The following UPB1 variants were observed in gnomAD, a reference collection of about 807,000 sequenced individuals.
UPB1 encodes beta-ureidopropionase 1, also known as beta-ureidopropionase.
UPB1 carries 40 observed loss-of-function variants against 49.1 expected under a neutral mutation model. The observed-to-expected ratio is 0.81, with a 90% confidence interval of 0.63 to 1.06. The LOEUF (loss-of-function observed/expected upper bound fraction) is 1.06. Ranked by LOEUF, UPB1 falls within the 50% of genes least tolerant of loss-of-function variation. The pLI is 0.00. For missense variants in UPB1, 499 were observed against 505.9 expected, an observed-to-expected ratio of 0.99 and a Z score of 0.13; for synonymous variants, 207 against 198.2, an observed-to-expected ratio of 1.04 and a Z score of -0.38.
chr22:24,518,824 C>T (rs966422695), intron 6 of UPB1, among the ~76,000 whole-genome samples: 1 of 152,178 alleles, frequency 6.6e-6, no homozygotes, highest in Non-Finnish European at 1.5e-5. Flanking sequence ...CCATCCTATC[C>T]TCTTGCTGCA....
intron 1 of UPB1, among the ~76,000 whole-genome samples, chr22:24,497,081 G>C (rs1293752044): frequency 6.6e-6 from 1 of 152,146 alleles, no homozygotes; most frequent in Non-Finnish European, 1.5e-5. Flanking sequence ...TTCAACGGGA[G>C]AGACTCTTTA....
At position 24,515,263 on chromosome 22, in the gene UPB1, C is replaced by G; in HGVS notation, c.684C>G (p.Ile228Met). The change falls in exon 6 of 10, where the codon ATC becomes ATG. Residue 228 changes from isoleucine (I) to methionine (M), a missense_variant. By Grantham distance (10) the Ile-to-Met change is conservative (BLOSUM62 1). Coordinates refer to ENST00000326010, the MANE Select transcript of UPB1 (RefSeq NM_016327.3). ...HPVFQTQFGR[I>M]AVNICYGRHH... ...TGTTCCAGACGCAGTTCGGAAGGAT[C>G]GCGGTGAACATTTGCTACGGGCGGC... 6.2e-7 allele frequency: 1 copy of G among 1,614,158 alleles called. No homozygotes were observed. Among genetic ancestry groups the G allele is most frequent in the Non-Finnish European group, 8.5e-7 (1 of 1,180,030 alleles).
chr22:24,522,063 G>A (rs2044404615), intron 8 of UPB1, 35 bp downstream of exon 8: 1 of 1,611,338 alleles, frequency 6.2e-7, no homozygotes, highest in Admixed American at 1.7e-5. Flanking sequence ...TGCAGTTGAG[G>A]AGTGGGCCTT....
chr22:24,498,171 C>G (rs2043925618), intron 1 of UPB1, among the ~76,000 whole-genome samples: 1 of 152,204 alleles, frequency 6.6e-6, no homozygotes, highest in Non-Finnish European at 1.5e-5. Context: ...CAAGCATGCC[C>G]TCTTGGTCTT....
At chr22:24,525,298 C>T (rs1353159722) in intron 9 of UPB1, among the ~76,000 whole-genome samples, 1 of 152,168 alleles carries the variant, frequency 6.6e-6, no homozygotes, top group East Asian at 1.9e-4. Flanking sequence ...TGAGATGCCA[C>T]ATGGAGTAGA....
chr22:24,517,393 G>A (rs1205938635), intron 6 of UPB1, among the ~76,000 whole-genome samples: 2 of 152,196 alleles, frequency 1.3e-5, no homozygotes, highest in Non-Finnish European at 2.9e-5. Flanking sequence ...AGAACTTTGG[G>A]GCCACCCCCT....
At chr22:24,521,407 C>T (rs1403948866) in intron 7 of UPB1, among the ~76,000 whole-genome samples, 4 of 151,796 alleles carry the variant, frequency 2.6e-5, no homozygotes, top group Non-Finnish European at 4.4e-5. Context: ...TGCTTGAACC[C>T]GGGAGGTGGA....
intron 3 of UPB1, among the ~76,000 whole-genome samples, chr22:24,509,035 CA>C (rs1205383661): frequency 1.3e-5 from 2 of 151,866 alleles, no homozygotes; most frequent in East Asian, 1.9e-4. Flanking sequence ...AGGGTATGAA[CA>C]AAAAAATGTA....
At chr22:24,496,975 G>GA (rs2043902144) in intron 1 of UPB1, among the ~76,000 whole-genome samples, 1 of 152,308 alleles carries the variant, frequency 6.6e-6, no homozygotes, top group African/African-American at 2.4e-5. Context: ...GCAGCAGGGA[G>GA]AGACAGCAAG....
intron 8 of UPB1, among the ~76,000 whole-genome samples, chr22:24,522,767 A>G (rs1056868686): frequency 6.8e-6 from 1 of 146,546 alleles, no homozygotes; most frequent in Non-Finnish European, 1.5e-5. Context: ...CCCAGTCTCT[A>G]CTAAAAAAAA....
At chr22:24,498,828 C>T (rs2067734026) in intron 1 of UPB1, among the ~76,000 whole-genome samples, 1 of 152,214 alleles carries the variant, frequency 6.6e-6, no homozygotes, top group African/African-American at 2.4e-5. Flanking sequence ...CTGTCTGGCT[C>T]CCAGGCCCAC....
intron 3 of UPB1, 143 bp from the exon 4 acceptor site, chr22:24,510,606 C>T: frequency 2.3e-6 from 2 of 856,078 alleles, no homozygotes; most frequent in Non-Finnish European, 3.9e-6. Context: ...GGGCTGCCCA[C>T]AGCCAGGAAC....
chr22:24,513,018 C>T (rs537624663), intron 4 of UPB1, among the ~76,000 whole-genome samples: 6 of 152,318 alleles, frequency 3.9e-5, no homozygotes, highest in African/African-American at 1.4e-4. Context: ...GCTTTCAATA[C>T]TTTTGGATAT....
Position 24,515,329 on chromosome 22 carries a change from T to C in UPB1, c.750T>C (p.Ala250=). 1.9e-6 allele frequency: 3 copies of C among 1,614,104 alleles called. No individual in the cohort carries two copies. The highest frequency in any genetic ancestry group is 1.7e-6 in the Non-Finnish European group (2 of 1,179,992). ...GGCTTATGTACAGCATCAACGGGGC[T>C]GAGATCATCTTCAACCCCTCGGCCA... ...LNWLMYSING[A]EIIFNPSATI... Residue 250 remains alanine (A), a synonymous_variant, in exon 6 of 10, where the codon GCT becomes GCC. Coordinates refer to ENST00000326010, the MANE Select transcript of UPB1 (RefSeq NM_016327.3).
At chr22:24,510,092 C>T (rs2044170466) in intron 3 of UPB1, among the ~76,000 whole-genome samples, 2 of 152,034 alleles carry the variant, frequency 1.3e-5, no homozygotes, top group Admixed American at 6.6e-5. Flanking sequence ...ATTAGCCAGG[C>T]ATGGTGGCGC....
chr22:24,513,313 C>T lies in UPB1; in HGVS notation c.460-11C>T. The T allele has an allele frequency of 6.2e-7, 1 of 1,614,160 alleles. No homozygotes were observed. Among genetic ancestry groups the T allele is most frequent in the East Asian group, 2.2e-5 (1 of 44,890 alleles). ...ATAAGTGGGACTCTGCCATATTTATCATTTTTCCAGCTGGCGAAGAACCAT... is the reference window on the plus strand; with the variant it reads ...ATAAGTGGGACTCTGCCATATTTATTATTTTTCCAGCTGGCGAAGAACCAT... On this transcript the variant is annotated splice_polypyrimidine_tract_variant and intron_variant, in intron 4 of 9. Transcript: ENST00000326010.
At position 24,510,738 on chromosome 22, in the gene UPB1, C is replaced by T; in HGVS notation, c.365-11C>T. The T allele has an allele frequency of 6.2e-7, 1 of 1,613,910 alleles. No homozygotes were observed. Among genetic ancestry groups the T allele is most frequent in the South Asian group, 1.1e-5 (1 of 91,076 alleles). ...TGTTGGATATAATTCTGCCCTTTCT[C>T]CTATTTATAGCTATGCCCTTTGCCT... is the stretch of plus-strand genomic sequence containing the variant. On this transcript the variant is annotated splice_polypyrimidine_tract_variant and intron_variant, in intron 3 of 9. Coordinates refer to ENST00000326010, the MANE Select transcript of UPB1 (RefSeq NM_016327.3).
chr22:24,510,800 CT>C lies in UPB1; in HGVS notation c.417del (p.Glu140SerfsTer44). 6.2e-7 allele frequency: 1 copy of C among 1,614,160 alleles called. No homozygotes were observed. Among genetic ancestry groups the C allele is most frequent in the Admixed American group, 1.7e-5 (1 of 60,016 alleles). ...GAGAAGCTTCCTTGGACAGAATTTG[CT>C]GAGTCAGCAGAGGATGGGCCCACCA... ...TREKLPWTEF[A>X]ESAEDGPTTR... On this transcript the variant is annotated frameshift_variant, in exon 4 of 10. Coordinates refer to ENST00000326010, the MANE Select transcript of UPB1 (RefSeq NM_016327.3). LOFTEE classifies it high-confidence loss of function.
intron 7 of UPB1, 139 bp from the exon 8 acceptor site, chr22:24,521,847 C>A: frequency 1.2e-6 from 1 of 855,364 alleles, no homozygotes; most frequent in Non-Finnish European, 1.9e-6. Context: ...TGAGTACAGA[C>A]CATTCCAGCT....
Sources: gnomAD v4.1 joint callset for allele counts (sites outside exome capture counted in the v4.1 genomes callset) on GRCh38, gnomAD v4.1.1 for gene constraint, MANE v1.5 for transcripts, NCBI Gene and HGNC (gene_info 2026-07-23, HGNC 2026-07-21) for gene names.